Variants in MYOCOS observed in about 807,000 individuals in gnomAD.
MYOCOS encodes myocilin opposite strand, also known as myocilin opposite strand protein.
chr1:171,621,374 GT>G (rs397974158), upstream of MYOCOS, among the ~76,000 whole-genome samples: 411 of 115,124 alleles, frequency 3.6e-3, no homozygotes, highest in East Asian at 8.6e-3. Flanking sequence ...TCTATGGTGG[GT>G]TTTTTTTTTT....
chr1:171,617,145 G>A (rs1333610689), intron 2 of MYOCOS, among the ~76,000 whole-genome samples: 3 of 152,120 alleles, frequency 2.0e-5, no homozygotes, highest in Admixed American at 6.6e-5. Context: ...CTGAGACAGG[G>A]CAGACAGTGT....
At chr1:171,605,789 C>G (rs1285736291) in intron 1 of MYOCOS, among the ~76,000 whole-genome samples, 1 of 151,950 alleles carries the variant, frequency 6.6e-6, no homozygotes, top group Non-Finnish European at 1.5e-5. Context: ...GGATATCGAA[C>G]CCCCATCTAC....
intron 2 of MYOCOS, among the ~76,000 whole-genome samples, chr1:171,626,045 C>CT (rs71561586): frequency 0.19 from 28,741 of 152,026 alleles, 3,319 homozygotes; most frequent in East Asian, 0.33. Flanking sequence ...GTTAACTATT[C>CT]TTTTTAGATG....
upstream of MYOCOS, among the ~76,000 whole-genome samples, chr1:171,621,416 A>C (rs1336503094): frequency 1.4e-4 from 20 of 139,452 alleles, no homozygotes; most frequent in Admixed American, 4.4e-4. Flanking sequence ...CACTCTGTCA[A>C]CCAGGCTAGA....
At chr1:171,603,555 T>C (rs1652183751) in intron 1 of MYOCOS, among the ~76,000 whole-genome samples, 1 of 152,214 alleles carries the variant, frequency 6.6e-6, no homozygotes, top group African/African-American at 2.4e-5. Context: ...TTTTAGTAGA[T>C]GACAGTCAAT....
intron 1 of MYOCOS, 46 bp from the exon 2 acceptor site, chr1:171,623,795 T>C (rs1452240291): frequency 5.0e-6 from 2 of 397,804 alleles, no homozygotes; most frequent in African/African-American, 4.1e-5. Context: ...GGAGCATTCC[T>C]GACCCCTGAA....
chr1:171,609,055 TG>T (rs747511397), intron 1 of MYOCOS, among the ~76,000 whole-genome samples: 1 of 152,196 alleles, frequency 6.6e-6, no homozygotes, highest in Non-Finnish European at 1.5e-5. Flanking sequence ...CCATTACAGC[TG>T]GTCTCAGCCA....
intron 2 of MYOCOS, among the ~76,000 whole-genome samples, chr1:171,624,289 G>T (rs959029181): frequency 1.3e-4 from 20 of 151,998 alleles, no homozygotes; most frequent in African/African-American, 4.6e-4. Context: ...TTGAGACAGG[G>T]TCTCGCTCTG....
intron 1 of MYOCOS, among the ~76,000 whole-genome samples, chr1:171,609,232 AACTGG>A (rs539897961): frequency 5.3e-5 from 8 of 152,252 alleles, no homozygotes; most frequent in Non-Finnish European, 1.0e-4. Flanking sequence ...TTACTGTCAA[AACTGG>A]ACAAGCATGT....
At chr1:171,617,126 A>T (rs1652465078) in intron 2 of MYOCOS, among the ~76,000 whole-genome samples, 1 of 152,144 alleles carries the variant, frequency 6.6e-6, no homozygotes, top group African/African-American at 2.4e-5. Flanking sequence ...GAGCCACTGG[A>T]CTAAGCAGCT....
intron 1 of MYOCOS, among the ~76,000 whole-genome samples, chr1:171,606,867 G>A (rs1173541378): frequency 6.6e-6 from 1 of 152,128 alleles, no homozygotes; most frequent in Non-Finnish European, 1.5e-5. Flanking sequence ...GCGAAGGCGG[G>A]TGGATCACGA....
exon 2 of MYOCOS, chr1:171,614,845 G>C (rs576078875): frequency 6.6e-6 from 1 of 152,258 alleles, no homozygotes; most frequent in Non-Finnish European, 1.5e-5. Context: ...ACTGAGCAAA[G>C]ACTTGAAGGA....
At chr1:171,607,693 T>C (rs1304539200) in intron 1 of MYOCOS, among the ~76,000 whole-genome samples, 1 of 152,224 alleles carries the variant, frequency 6.6e-6, no homozygotes, top group African/African-American at 2.4e-5. Context: ...CTCTGGTAGT[T>C]CTTAGGCCCT....
upstream of MYOCOS, among the ~76,000 whole-genome samples, chr1:171,617,480 A>C (rs1180830076): frequency 1.3e-5 from 2 of 152,190 alleles, no homozygotes; most frequent in East Asian, 1.9e-4. Flanking sequence ...CTTTGGACCA[A>C]GCGAGAGGGT....
chr1:171,608,660 A>G (rs1652299667), intron 1 of MYOCOS, among the ~76,000 whole-genome samples: 1 of 151,862 alleles, frequency 6.6e-6, no homozygotes, highest in Non-Finnish European at 1.5e-5. Context: ...TGACCTCATG[A>G]TCTGCCCGCC....
At chr1:171,604,246 A>G (rs1482786411) in intron 1 of MYOCOS, 3 of 152,204 alleles carry the variant, frequency 2.0e-5, no homozygotes, top group African/African-American at 4.8e-5. Flanking sequence ...TGACTAGTCC[A>G]TGCACGGCCG....
intron 2 of MYOCOS, among the ~76,000 whole-genome samples, chr1:171,615,680 A>G (rs921033709): frequency 3.9e-5 from 6 of 152,186 alleles, no homozygotes; most frequent in Non-Finnish European, 5.9e-5. Flanking sequence ...CTCTCTGACC[A>G]CCGGTGCATG....
At chr1:171,608,741 C>T (rs963003786) in intron 1 of MYOCOS, among the ~76,000 whole-genome samples, 1 of 152,154 alleles carries the variant, frequency 6.6e-6, no homozygotes, top group Middle Eastern at 3.4e-3. Flanking sequence ...ACTTTTATAC[C>T]CTCACATTGT....
At chr1:171,620,884 C>CCGAG (rs1652553136), upstream of MYOCOS, among the ~76,000 whole-genome samples, 1 of 151,032 alleles carries the variant, frequency 6.6e-6, no homozygotes, top group Non-Finnish European at 1.5e-5. Context: ...ATTCTCCTGC[C>CCGAG]TCAGCCTCCC....
Sources: gnomAD v4.1 joint callset for allele counts (sites outside exome capture counted in the v4.1 genomes callset) on GRCh38, gnomAD v4.1.1 for gene constraint, MANE v1.5 for transcripts, NCBI Gene and HGNC (gene_info 2026-07-23, HGNC 2026-07-21) for gene names.